Variants in MAN1A1 observed in about 807,000 individuals in gnomAD.
MAN1A1 encodes mannosidase alpha class 1A member 1, also known as mannosyl-oligosaccharide 1,2-alpha-mannosidase IA.
MAN1A1 carries 29 observed loss-of-function variants against 70.8 expected under a neutral mutation model. The ratio of observed to expected loss-of-function variants is 0.41; its 90% CI spans 0.31 to 0.56. The LOEUF is 0.56. MAN1A1 is among the 20% of genes least tolerant of loss of function. MAN1A1 has a pLI of 0.29. For synonymous variants in MAN1A1, 349 were observed against 330.1 expected (o/e 1.06, Z -0.62); for missense variants, 747 against 841.3 (o/e 0.89, Z 1.39).
Position 119,193,770 on chromosome 6 carries a change from G to A in MAN1A1, c.1326+7C>T. 6.3e-7 allele frequency: 1 copy of A among 1,591,934 alleles called. No individual in the cohort carries two copies. Among genetic ancestry groups the A allele is most frequent in the Admixed American group, 1.7e-5 (1 of 59,272 alleles). On this transcript the variant is annotated splice_region_variant and intron_variant, in intron 9 of 12. Transcript: ENST00000368468. ...GAGTGGCAAAGATGATTTAAATATT[G>A]GGTTACCTGAACAGCATCAAAATAC...
At chr6:119,254,167 A>G (rs1339219793) in intron 5 of MAN1A1, among the ~76,000 whole-genome samples, 3 of 152,214 alleles carry the variant, frequency 2.0e-5, no homozygotes, top group African/African-American at 7.2e-5. Context: ...TTAAGTTTTA[A>G]GTAGCACATA....
chr6:119,283,578 G>C (rs1776277585), intron 5 of MAN1A1, among the ~76,000 whole-genome samples: 1 of 151,970 alleles, frequency 6.6e-6, no homozygotes, highest in Admixed American at 6.6e-5. Flanking sequence ...GTGTCTTAGT[G>C]TTGTGCAGCC....
intron 6 of MAN1A1, among the ~76,000 whole-genome samples, chr6:119,211,872 C>T (rs1305051645): frequency 2.1e-5 from 3 of 145,316 alleles, no homozygotes; most frequent in African/African-American, 5.1e-5. Context: ...GATGGAGTCT[C>T]GCTCTGTCAC....
intron 2 of MAN1A1, among the ~76,000 whole-genome samples, chr6:119,312,171 G>C (rs1407927953): frequency 6.6e-6 from 1 of 152,100 alleles, no homozygotes; most frequent in East Asian, 1.9e-4. Context: ...AGGTGGAAGA[G>C]CAATCTAACT....
intron 4 of MAN1A1, among the ~76,000 whole-genome samples, chr6:119,292,407 T>G (rs1772063150): frequency 6.6e-6 from 1 of 151,976 alleles, no homozygotes; most frequent in African/African-American, 2.4e-5. Context: ...ATTATTTCCT[T>G]TAACAAGCAT....
At chr6:119,218,898 A>G (rs899438549) in intron 6 of MAN1A1, among the ~76,000 whole-genome samples, 26 of 152,036 alleles carry the variant, frequency 1.7e-4, no homozygotes, top group African/African-American at 5.8e-4. Flanking sequence ...AATCTTTCTT[A>G]AATGTTAAGT....
At chr6:119,306,196 TACAG>T (rs1414900658) in intron 3 of MAN1A1, among the ~76,000 whole-genome samples, 2 of 152,282 alleles carry the variant, frequency 1.3e-5, no homozygotes, top group African/African-American at 4.8e-5. Flanking sequence ...TCCTGTTACT[TACAG>T]ACAAATTTTG....
At chr6:119,277,297 G>A (rs149274712) in intron 5 of MAN1A1, among the ~76,000 whole-genome samples, 3 of 152,116 alleles carry the variant, frequency 2.0e-5, no homozygotes, top group African/African-American at 7.2e-5. Context: ...TTAACCCTAT[G>A]ATCTGTCAGT....
chr6:119,229,238 C>T (rs1006218673), intron 6 of MAN1A1, among the ~76,000 whole-genome samples: 1 of 149,964 alleles, frequency 6.7e-6, no homozygotes, highest in African/African-American at 2.4e-5. Flanking sequence ...ACAAAAAATG[C>T]AGATCAGAAA....
chr6:119,237,450 G>A (rs1004584431), intron 6 of MAN1A1, among the ~76,000 whole-genome samples: 7 of 152,084 alleles, frequency 4.6e-5, no homozygotes, highest in African/African-American at 7.2e-5. Flanking sequence ...GCGAGTTTGC[G>A]TCCGTGGTAC....
intron 4 of MAN1A1, among the ~76,000 whole-genome samples, chr6:119,298,444 A>G (rs528764731): frequency 1.2e-3 from 189 of 152,298 alleles, no homozygotes; most frequent in Non-Finnish European, 2.2e-3. Flanking sequence ...TATACTTTTC[A>G]GTGATATAAA....
chr6:119,314,847 C>T (rs868788612), intron 2 of MAN1A1, among the ~76,000 whole-genome samples: 11 of 152,284 alleles, frequency 7.2e-5, no homozygotes, highest in Non-Finnish European at 1.0e-4. Context: ...TCCACTTCGG[C>T]TCTCAGCTCC....
At chr6:119,292,077 C>G (rs1226360942) in intron 4 of MAN1A1, among the ~76,000 whole-genome samples, 1 of 151,992 alleles carries the variant, frequency 6.6e-6, no homozygotes, top group Non-Finnish European at 1.5e-5. Context: ...CTCTGCTATT[C>G]TGACTTCTAT....
chr6:119,234,669 C>T (rs192693930), intron 6 of MAN1A1, among the ~76,000 whole-genome samples: 1 of 152,234 alleles, frequency 6.6e-6, no homozygotes, highest in East Asian at 1.9e-4. Flanking sequence ...TTTGCCTCGG[C>T]CTCCAAAGTA....
chr6:119,200,853 T>C (rs1470524726), intron 8 of MAN1A1, among the ~76,000 whole-genome samples: 4 of 152,186 alleles, frequency 2.6e-5, no homozygotes, highest in Non-Finnish European at 5.9e-5. Context: ...TCTCTCATTA[T>C]ATAGCCATGC....
At chr6:119,302,625 C>A (rs1311688092) in intron 3 of MAN1A1, among the ~76,000 whole-genome samples, 2 of 152,008 alleles carry the variant, frequency 1.3e-5, no homozygotes, top group African/African-American at 4.8e-5. Context: ...CATAATCCAC[C>A]CACCTAGGCC....
At chr6:119,236,867 T>C (rs1182058221) in intron 6 of MAN1A1, among the ~76,000 whole-genome samples, 1 of 151,462 alleles carries the variant, frequency 6.6e-6, no homozygotes, top group East Asian at 2.0e-4. Context: ...ATAGATGCCA[T>C]TAAGAACATT....
chr6:119,264,772 AC>A, intron 5 of MAN1A1, among the ~76,000 whole-genome samples: 1 of 152,210 alleles, frequency 6.6e-6, no homozygotes. Context: ...CTCTTTTCAT[AC>A]AGACTATGTT....
At chr6:119,297,821 G>T (rs12193275) in intron 4 of MAN1A1, among the ~76,000 whole-genome samples, 24 of 124,266 alleles carry the variant, frequency 1.9e-4, no homozygotes, top group African/African-American at 7.1e-4. Flanking sequence ...TTTTTAAATA[G>T]AGATGGCGGC....
Sources: gnomAD v4.1 joint callset for allele counts (sites outside exome capture counted in the v4.1 genomes callset) on GRCh38, gnomAD v4.1.1 for gene constraint, MANE v1.5 for transcripts, NCBI Gene and HGNC (gene_info 2026-07-23, HGNC 2026-07-21) for gene names.